The following PREX1 variants were observed in gnomAD, a reference collection of about 807,000 sequenced individuals.
The protein encoded by PREX1 is phosphatidylinositol-3,4,5-trisphosphate dependent Rac exchange factor 1.
PREX1 carries 41 observed loss-of-function variants against 198.3 expected under a neutral mutation model. The ratio of observed to expected loss-of-function variants is 0.21; its 90% CI spans 0.16 to 0.27. The LOEUF (loss-of-function observed/expected upper bound fraction) is 0.27. PREX1 is among the 10% of genes least tolerant of loss of function. The pLI, the probability that PREX1 is intolerant of heterozygous loss-of-function variation, is 1.00. For missense variants in PREX1, 1,620 were observed against 2,200.7 expected (o/e 0.74, Z 5.28); for synonymous variants, 843 against 887.2 (o/e 0.95, Z 0.89).
chr20:48,645,393 G>A (rs1012075780), intron 26 of PREX1, among the ~76,000 whole-genome samples: 5 of 152,188 alleles, frequency 3.3e-5, no homozygotes, highest in Non-Finnish European at 7.3e-5. Context: ...AACTAGTTAG[G>A]ACCTCACTGA....
In PREX1 at chr20:48,624,338, T is replaced by C. The variant is rs1181189590; in HGVS notation, c.*1547A>G. On this transcript the variant is annotated 3_prime_UTR_variant, in exon 40 of 40. Coordinates refer to ENST00000371941, the MANE Select transcript of PREX1 (RefSeq NM_020820.4). ...ATCTGTACATTTTAAAGTAAACCAGTGCACAATGCGCTGGCCCTGGGCCCT... is the reference window on the plus strand; with the variant it reads ...ATCTGTACATTTTAAAGTAAACCAGCGCACAATGCGCTGGCCCTGGGCCCT... 6.5e-6 allele frequency: 1 copy of C among 152,674 alleles called. No homozygotes were observed. The highest frequency in any genetic ancestry group is 1.9e-4 in the East Asian group (1 of 5,200). The allele number at this position is 152,674 out of a possible 1,614,324, so 9.5% of individuals were successfully genotyped here. A position where few individuals can be genotyped will look rare whatever the true frequency, so the allele number is the denominator to read the frequency against.
At chr20:48,836,792 G>A in the PREX1 span, among the ~76,000 whole-genome samples, 4 of 148,850 alleles carry the variant, frequency 2.7e-5, no homozygotes, top group Admixed American at 2.1e-4. Context: ...GCACACACTT[G>A]TAATCCCCAC....
rs114672093 is a variant in PREX1, at chr20:48,774,043, G to A, written c.220-26163C>T. The stretch of plus-strand genomic sequence containing the variant: ...GACGAGAGAGAGGGAAGTCGAGGCC[G>A]TCTCCCTGGTTTCTGGCCTGTACCA... On this transcript the variant is annotated intron_variant, in intron 1 of 39. Coordinates refer to ENST00000371941, the MANE Select transcript of PREX1 (RefSeq NM_020820.4). Among the ~76,000 whole-genome samples the A allele has an allele frequency of 4.7e-3, 712 of 152,274 alleles. 4 individuals carry two copies. The highest frequency in any genetic ancestry group is 0.016 in the African/African-American group (676 of 41,558).
chr20:48,655,649 C>T (rs1568806114), intron 18 of PREX1, among the ~76,000 whole-genome samples: 1 of 152,214 alleles, frequency 6.6e-6, no homozygotes, highest in Non-Finnish European at 1.5e-5. Context: ...ACCATCCTCC[C>T]ACACCTCCAT....
chr20:48,745,260 T>G, intron 2 of PREX1, 113 bp from the exon 3 acceptor site: 1 of 1,173,368 alleles, frequency 8.5e-7, no homozygotes, highest in Non-Finnish European at 1.2e-6. Flanking sequence ...AAAGAAGAAC[T>G]CTCAAACACC....
chr20:48,698,159 G>A (rs546937023), intron 7 of PREX1, among the ~76,000 whole-genome samples: 2 of 152,310 alleles, frequency 1.3e-5, no homozygotes, highest in South Asian at 4.2e-4. Flanking sequence ...GCTCACTTGT[G>A]GAAGTGAGGT....
chr20:48,726,540 T>G lies in PREX1; in HGVS notation c.520-149A>C, dbSNP rs1241168227. On this transcript the variant is annotated intron_variant, in intron 4 of 39. Transcript: ENST00000371941. Reference sequence around the variant, plus strand: ...CGTAGAAGTGAAAACGTGCATCATCTACAACCAACACAAACCCTACTGGGC... The same window carrying G: ...CGTAGAAGTGAAAACGTGCATCATCGACAACCAACACAAACCCTACTGGGC... The G allele has an allele frequency of 4.8e-6, 3 of 625,766 alleles. No homozygotes were observed. In the East Asian group the frequency reaches 8.4e-5, roughly 18 times the overall value. The allele number at this position is 625,766 out of a possible 1,614,324, so 38.8% of individuals were successfully genotyped here. A position where few individuals can be genotyped will look rare whatever the true frequency, so the allele number is the denominator to read the frequency against.
chr20:48,807,718 T>C (rs555551686), intron 1 of PREX1, among the ~76,000 whole-genome samples: 5 of 152,354 alleles, frequency 3.3e-5, no homozygotes, highest in Non-Finnish European at 5.9e-5. Context: ...CTGGGACTGC[T>C]TGCTTGCCTG....
the PREX1 span, among the ~76,000 whole-genome samples, chr20:48,885,887 T>C: frequency 6.6e-6 from 1 of 152,054 alleles, no homozygotes; most frequent in African/African-American, 2.4e-5. Flanking sequence ...AAAAGATTAG[T>C]AGTTGCCAGG....
the PREX1 span, among the ~76,000 whole-genome samples, chr20:48,861,488 C>G: frequency 6.6e-6 from 1 of 152,176 alleles, no homozygotes; most frequent in South Asian, 2.1e-4. Context: ...GAAGGGTTCC[C>G]CCTTGGATGG....
At chr20:48,693,378 A>T (rs1330585602) in intron 7 of PREX1, among the ~76,000 whole-genome samples, 1 of 146,898 alleles carries the variant, frequency 6.8e-6, no homozygotes, top group African/African-American at 2.7e-5. Flanking sequence ...AGAGATGAAG[A>T]AGTCAGGGGG....
intron 1 of PREX1, among the ~76,000 whole-genome samples, chr20:48,791,670 A>G (rs147345307): frequency 7.0e-4 from 107 of 152,266 alleles, no homozygotes; most frequent in East Asian, 1.2e-3. Flanking sequence ...AAGGTTCAGA[A>G]ATGTTTGAAA....
At chr20:48,725,218 C>T (rs73138209) in intron 5 of PREX1, among the ~76,000 whole-genome samples, 6 of 152,252 alleles carry the variant, frequency 3.9e-5, no homozygotes, top group East Asian at 1.9e-4. Context: ...TGAGCAGGTG[C>T]GTGAATGAGG....
At chr20:48,825,088 A>G (rs1266511660) in intron 1 of PREX1, among the ~76,000 whole-genome samples, 1 of 152,182 alleles carries the variant, frequency 6.6e-6, no homozygotes, top group East Asian at 1.9e-4. Flanking sequence ...CCTTGCAACC[A>G]TGGAAAGCCT....
chr20:48,854,039 C>G, the PREX1 span, among the ~76,000 whole-genome samples: 1 of 152,250 alleles, frequency 6.6e-6, no homozygotes, highest in South Asian at 2.1e-4. Flanking sequence ...TTGACCTTTG[C>G]AGTCAGGCAG....
chr20:48,736,331 T>C (rs1391625443), intron 3 of PREX1, among the ~76,000 whole-genome samples: 1 of 152,108 alleles, frequency 6.6e-6, no homozygotes, highest in Non-Finnish European at 1.5e-5. Flanking sequence ...TCTTGATGCA[T>C]ATTCCAAGAA....
chr20:48,695,670 C>A (rs141987220), intron 7 of PREX1, among the ~76,000 whole-genome samples: 4 of 152,308 alleles, frequency 2.6e-5, no homozygotes, highest in Non-Finnish European at 5.9e-5. Flanking sequence ...AGTAAATAAC[C>A]TCAACCACTG....
At chr20:48,748,146 A>G (rs2281286) in intron 1 of PREX1, among the ~76,000 whole-genome samples, 61,552 of 151,956 alleles carry the variant, frequency 0.41, 12,812 homozygotes, top group Admixed American at 0.46. Flanking sequence ...CAGCAGAGAA[A>G]ATCTCAAAGC....
chr20:48,735,072 A>G (rs1478991860), intron 3 of PREX1, among the ~76,000 whole-genome samples: 5 of 152,146 alleles, frequency 3.3e-5, no homozygotes, highest in African/African-American at 1.2e-4. Flanking sequence ...TGACCTCCAG[A>G]TGCCCCTGAG....
Sources: gnomAD v4.1 joint callset for allele counts (sites outside exome capture counted in the v4.1 genomes callset) on GRCh38, gnomAD v4.1.1 for gene constraint, MANE v1.5 for transcripts, NCBI Gene and HGNC (gene_info 2026-07-23, HGNC 2026-07-21) for gene names.